Variants in LRIG1 observed in about 807,000 individuals in gnomAD.
LRIG1 encodes the protein leucine-rich repeats and immunoglobulin-like domains protein 1.
In LRIG1, 48 loss-of-function variants were observed where a neutral mutation model predicts 99.2. The observed-to-expected ratio is 0.48, with a 90% confidence interval of 0.38 to 0.62. The LOEUF is 0.62. Among genes scored for constraint, LRIG1 ranks in the 20% least tolerant of loss-of-function variants. The pLI, the probability that LRIG1 is intolerant of heterozygous loss-of-function variation, is 0.00. For missense variants in LRIG1, 1,646 were observed against 1,434.4 expected, an observed-to-expected ratio of 1.15 and a Z score of -2.38; for synonymous variants, 772 against 596.1, an observed-to-expected ratio of 1.29 and a Z score of -4.30.
At chr3:66,385,841 G>A in intron 13 of LRIG1, 140 bp downstream of exon 13, 1 of 793,428 alleles carries the variant, frequency 1.3e-6, no homozygotes, top group Non-Finnish European at 2.0e-6. Context: ...GGCAAACCCA[G>A]GCAACAATAG....
intron 17 of LRIG1, 24 bp from the exon 18 acceptor site, chr3:66,380,885 G>C: frequency 6.2e-7 from 1 of 1,609,096 alleles, no homozygotes; most frequent in Non-Finnish European, 8.5e-7. Context: ...CCAAAGATGG[G>C]TTAGAGTCAC....
intron 1 of LRIG1, among the ~76,000 whole-genome samples, chr3:66,486,668 ATAAG>A (rs1553726484): frequency 6.6e-6 from 1 of 152,238 alleles, no homozygotes; most frequent in Non-Finnish European, 1.5e-5. Flanking sequence ...AAGGGTCACA[ATAAG>A]TAAGTGTGGC....
chr3:66,442,659 A>G (rs1253553263), intron 3 of LRIG1, among the ~76,000 whole-genome samples: 2 of 152,124 alleles, frequency 1.3e-5, no homozygotes, highest in Non-Finnish European at 2.9e-5. Flanking sequence ...TGCTTCTCCA[A>G]CATTGGGGAG....
chr3:66,415,493 T>C (rs1268757165), intron 4 of LRIG1, among the ~76,000 whole-genome samples: 4 of 152,174 alleles, frequency 2.6e-5, no homozygotes, highest in African/African-American at 9.7e-5. Flanking sequence ...TTTAATAATT[T>C]AGAGAAATAG....
intron 1 of LRIG1, 123 bp downstream of exon 1, chr3:66,500,067 A>G (rs1701320984): frequency 1.4e-6 from 1 of 712,552 alleles, no homozygotes. Context: ...AACACGCACA[A>G]GCACGCACAA....
At chr3:66,479,622 A>T (rs915196300) in intron 1 of LRIG1, among the ~76,000 whole-genome samples, 1 of 152,240 alleles carries the variant, frequency 6.6e-6, no homozygotes, top group East Asian at 1.9e-4. Flanking sequence ...CAGTTAAAAT[A>T]CGGGCAAAGA....
At chr3:66,418,975 T>C (rs570324046) in intron 3 of LRIG1, among the ~76,000 whole-genome samples, 4 of 152,246 alleles carry the variant, frequency 2.6e-5, no homozygotes, top group South Asian at 2.1e-4. Context: ...TTAATAAAGA[T>C]AGTCTCCTCA....
chr3:66,416,339 C>A (rs1176367492), intron 4 of LRIG1, among the ~76,000 whole-genome samples: 1 of 152,190 alleles, frequency 6.6e-6, no homozygotes, highest in Non-Finnish European at 1.5e-5. Context: ...AAACCTCACC[C>A]TCCCTGAAAA....
intron 3 of LRIG1, among the ~76,000 whole-genome samples, chr3:66,449,085 G>A (rs1686365022): frequency 6.6e-6 from 1 of 152,218 alleles, no homozygotes; most frequent in Non-Finnish European, 1.5e-5. Context: ...GGATGAGGAA[G>A]GTGGTTCTTT....
At chr3:66,473,740 T>G (rs1164314638) in intron 1 of LRIG1, among the ~76,000 whole-genome samples, 1 of 152,230 alleles carries the variant, frequency 6.6e-6, no homozygotes, top group Non-Finnish European at 1.5e-5. Flanking sequence ...CACGCGACTA[T>G]CTCTAGCTAA....
chr3:66,404,504 ACGT>A, intron 9 of LRIG1: 1 of 970,312 alleles, frequency 1.0e-6, no homozygotes, highest in Non-Finnish European at 1.3e-6. Context: ...GGGGAAGGGA[ACGT>A]GGGCTTTGGA....
chr3:66,405,285 A>G lies in LRIG1; in HGVS notation c.1080-7T>C. On this transcript the variant is annotated splice_polypyrimidine_tract_variant and splice_region_variant and intron_variant, in intron 8 of 18. Transcript: ENST00000273261. Reference sequence around the variant, plus strand: ...CTCGTTATGGTCCAGATCCCTGGGGAGAGGACAGAAAGCAGCTCACCGAGC... The same window carrying G: ...CTCGTTATGGTCCAGATCCCTGGGGGGAGGACAGAAAGCAGCTCACCGAGC... 2 of 1,611,830 alleles carry G rather than the reference A, an allele frequency of 1.2e-6. No homozygotes were observed. Among genetic ancestry groups the G allele is most frequent in the South Asian group, 1.1e-5 (1 of 91,022 alleles).
chr3:66,394,663 T>TG (rs1193888789), intron 11 of LRIG1, among the ~76,000 whole-genome samples: 4 of 152,372 alleles, frequency 2.6e-5, no homozygotes, highest in Admixed American at 2.0e-4. Flanking sequence ...ATAAACTACT[T>TG]GGAGCTTCCA....
At chr3:66,427,069 G>C (rs376423715) in intron 3 of LRIG1, among the ~76,000 whole-genome samples, 1 of 152,196 alleles carries the variant, frequency 6.6e-6, no homozygotes, top group South Asian at 2.1e-4. Flanking sequence ...GCCCTAGACT[G>C]GGGGGAAAAA....
At chr3:66,407,221 C>G in intron 8 of LRIG1, 127 bp downstream of exon 8, 3 of 985,920 alleles carry the variant, frequency 3.0e-6, no homozygotes, top group Non-Finnish European at 4.6e-6. Context: ...GCACATAGAG[C>G]AAGCCAGCTT....
At chr3:66,418,889 G>A (rs529327408) in intron 3 of LRIG1, among the ~76,000 whole-genome samples, 3 of 151,908 alleles carry the variant, frequency 2.0e-5, no homozygotes, top group Admixed American at 1.3e-4. Flanking sequence ...GAACCTCCCC[G>A]GCATGAAAGG....
chr3:66,411,272 TGAG>T (rs1445866137), intron 6 of LRIG1, among the ~76,000 whole-genome samples: 1 of 152,224 alleles, frequency 6.6e-6, no homozygotes, highest in Non-Finnish European at 1.5e-5. Context: ...TTTGGGTAAC[TGAG>T]TTTTGCTTTT....
intron 1 of LRIG1, among the ~76,000 whole-genome samples, chr3:66,485,471 C>T (rs1002041947): frequency 2.6e-5 from 4 of 152,192 alleles, no homozygotes; most frequent in Non-Finnish European, 4.4e-5. Flanking sequence ...GCTGGTTACA[C>T]AAGGCTGGAC....
chr3:66,381,738 GTTC>G (rs1207780525), intron 16 of LRIG1, 107 bp from the exon 17 acceptor site: 9 of 1,281,724 alleles, frequency 7.0e-6, no homozygotes, highest in Non-Finnish European at 9.7e-6. Flanking sequence ...TTTTTAAAAA[GTTC>G]TTCAGAGCGG....
Sources: gnomAD v4.1 joint callset for allele counts (sites outside exome capture counted in the v4.1 genomes callset) on GRCh38, gnomAD v4.1.1 for gene constraint, MANE v1.5 for transcripts, NCBI Gene and HGNC (gene_info 2026-07-23, HGNC 2026-07-21) for gene names.